Variants in RBBP8 observed in about 807,000 individuals in gnomAD.
RBBP8 encodes the protein RB binding protein 8, endonuclease, also known as DNA endonuclease RBBP8.
Under a neutral mutation model 108.3 loss-of-function variants are expected in RBBP8, and 88 were observed. That is an observed-to-expected ratio of 0.81 (90% CI 0.68 to 0.97). The LOEUF (loss-of-function observed/expected upper bound fraction) is 0.97, where lower values mean the gene tolerates loss of function less well. Among genes scored for constraint, RBBP8 ranks in the 50% least tolerant of loss-of-function variants. The probability of loss-of-function intolerance (pLI) is 0.00; values close to 1 mark genes in which losing one functional copy is unlikely to be tolerated. For missense variants in RBBP8, 1,023 were observed against 1,049.0 expected, an observed-to-expected ratio of 0.98 and a Z score of 0.34; for synonymous variants, 332 against 348.2, an observed-to-expected ratio of 0.95 and a Z score of 0.52.
chr18:22,936,413 T>G (rs966249813), intron 1 of RBBP8, among the ~76,000 whole-genome samples: 3 of 152,198 alleles, frequency 2.0e-5, no homozygotes, highest in Admixed American at 6.5e-5. Flanking sequence ...AAACAATACA[T>G]TAGTCTATAG....
chr18:23,009,503 A>T (rs1457152033), intron 16 of RBBP8, among the ~76,000 whole-genome samples: 1 of 149,896 alleles, frequency 6.7e-6, no homozygotes, highest in East Asian at 1.9e-4. Flanking sequence ...TTCTTTTAAA[A>T]GTACATAAAG....
chr18:22,947,951 A>C (rs996249919), intron 3 of RBBP8, among the ~76,000 whole-genome samples: 1 of 152,164 alleles, frequency 6.6e-6, no homozygotes, highest in Non-Finnish European at 1.5e-5. Flanking sequence ...TCTAAATAGA[A>C]CAGTAATGGA....
chr18:22,944,714 A>T (rs376101365), intron 2 of RBBP8, among the ~76,000 whole-genome samples: 1 of 152,194 alleles, frequency 6.6e-6, no homozygotes, highest in South Asian at 2.1e-4. Context: ...TCAGTTGGAC[A>T]TTTTCTAAAG....
intron 4 of RBBP8, among the ~76,000 whole-genome samples, chr18:22,961,115 T>C (rs1196997508): frequency 6.6e-6 from 1 of 152,248 alleles, no homozygotes; most frequent in East Asian, 1.9e-4. Flanking sequence ...CTAGTTTAAC[T>C]TGTAAAAAGC....
intron 13 of RBBP8, 90 bp from the exon 14 acceptor site, chr18:22,997,530 T>C: frequency 2.4e-6 from 2 of 817,448 alleles, no homozygotes; most frequent in South Asian, 3.1e-5. Flanking sequence ...GTATGTTATG[T>C]ATATTTTACC....
At chr18:22,946,333 A>G in intron 2 of RBBP8, 111 bp from the exon 3 acceptor site, 2 of 1,461,706 alleles carry the variant, frequency 1.4e-6, no homozygotes, top group East Asian at 2.4e-5. Flanking sequence ...ACTGTAAACT[A>G]ATGAGACCTG....
intron 17 of RBBP8, among the ~76,000 whole-genome samples, chr18:23,019,842 A>G (rs1434992646): frequency 1.3e-5 from 2 of 150,730 alleles, no homozygotes; most frequent in Admixed American, 6.6e-5. Flanking sequence ...GCTCACTGCA[A>G]GCTCCGCCTC....
chr18:22,940,360 G>A (rs1250813859), intron 2 of RBBP8, among the ~76,000 whole-genome samples: 3 of 140,288 alleles, frequency 2.1e-5, no homozygotes, highest in East Asian at 4.2e-4. Context: ...TTGCTCTGTA[G>A]CCCAGGCTGG....
At chr18:22,938,172 C>A (rs954241169) in intron 2 of RBBP8, among the ~76,000 whole-genome samples, 3 of 152,058 alleles carry the variant, frequency 2.0e-5, no homozygotes, top group African/African-American at 7.2e-5. Context: ...TGCTTTGTCA[C>A]CCATGCTGGA....
chr18:22,928,550 A>G (rs919442751), upstream of RBBP8, among the ~76,000 whole-genome samples: 16 of 152,232 alleles, frequency 1.1e-4, no homozygotes, highest in Non-Finnish European at 1.9e-4. Context: ...GGAGAGAGGA[A>G]TAAAAGCAGT....
intron 3 of RBBP8, among the ~76,000 whole-genome samples, chr18:22,918,630 T>A (rs1055393754): frequency 2.0e-5 from 3 of 152,206 alleles, no homozygotes; most frequent in Admixed American, 6.5e-5. Context: ...ACAGCTTTTT[T>A]TTGTCTATTA....
upstream of RBBP8, among the ~76,000 whole-genome samples, chr18:22,930,171 T>C (rs973489066): frequency 6.6e-6 from 1 of 152,356 alleles, no homozygotes; most frequent in Non-Finnish European, 1.5e-5. Context: ...TGCCTAGATA[T>C]ACATAATGTA....
chr18:23,018,957 C>T (rs908185139), intron 17 of RBBP8, among the ~76,000 whole-genome samples: 2 of 152,092 alleles, frequency 1.3e-5, no homozygotes, highest in African/African-American at 4.8e-5. Flanking sequence ...AATAACCAAG[C>T]ACATTAAAAT....
chr18:22,986,066 A>G (rs908103473), intron 8 of RBBP8, among the ~76,000 whole-genome samples: 7 of 146,932 alleles, frequency 4.8e-5, no homozygotes, highest in Non-Finnish European at 1.0e-4. Context: ...TGATACGTGT[A>G]TGCATGTATG....
At chr18:22,914,987 C>T (rs111914670) in intron 1 of RBBP8, among the ~76,000 whole-genome samples, 4 of 152,048 alleles carry the variant, frequency 2.6e-5, no homozygotes, top group Non-Finnish European at 5.9e-5. Context: ...TCTCTCTTTA[C>T]GTAATCCAAT....
At chr18:22,938,511 A>G (rs751566233) in intron 2 of RBBP8, among the ~76,000 whole-genome samples, 1 of 152,050 alleles carries the variant, frequency 6.6e-6, no homozygotes, top group Non-Finnish European at 1.5e-5. Context: ...GACATTTACA[A>G]TTGTAGTTTT....
intron 10 of RBBP8, among the ~76,000 whole-genome samples, chr18:22,991,981 T>G (rs1915734156): frequency 6.6e-6 from 1 of 152,152 alleles, no homozygotes; most frequent in Non-Finnish European, 1.5e-5. Context: ...TCCAGAAAGG[T>G]TAAATGTCTT....
At chr18:22,934,820 A>G (rs994465805) in intron 1 of RBBP8, 2 of 152,014 alleles carry the variant, frequency 1.3e-5, no homozygotes, top group Admixed American at 6.6e-5. Context: ...CATCCCTGAC[A>G]TAGCCATGTC....
intron 4 of RBBP8, among the ~76,000 whole-genome samples, chr18:22,954,557 T>A (rs1759081305): frequency 6.6e-6 from 1 of 152,188 alleles, no homozygotes; most frequent in African/African-American, 2.4e-5. Context: ...CATTCCCAGC[T>A]TCCTTCACAG....
Sources: allele counts gnomAD v4.1 joint callset (sites outside exome capture counted in the v4.1 genomes callset), GRCh38; gene constraint gnomAD v4.1.1; transcripts MANE v1.5; gene names NCBI Gene and HGNC (gene_info 2026-07-23, HGNC 2026-07-21).